The following C11orf65 variants were observed in gnomAD, a reference collection of about 807,000 sequenced individuals.
C11orf65 encodes protein MFI.
C11orf65 carries 38 observed loss-of-function variants against 35.3 expected under a neutral mutation model. The observed-to-expected ratio is 1.08, with a 90% CI of 0.83 to 1.41. The LOEUF is 1.41. Among genes scored for constraint, C11orf65 ranks in the 40% most tolerant of loss-of-function variants. The pLI is 0.00. For missense variants in C11orf65, 370 were observed against 367.1 expected, an observed-to-expected ratio of 1.01 and a Z score of -0.06; for synonymous variants, 105 against 114.4, an observed-to-expected ratio of 0.92 and a Z score of 0.53.
chr11:108,381,318 T>C (rs2091861224), downstream of C11orf65, among the ~76,000 whole-genome samples: 1 of 152,200 alleles, frequency 6.6e-6, no homozygotes, highest in East Asian at 1.9e-4. Flanking sequence ...AGCCACTGGA[T>C]GCATGTATCC....
chr11:108,329,543 A>C (rs2136434031), downstream of C11orf65, among the ~76,000 whole-genome samples: 1 of 152,086 alleles, frequency 6.6e-6, no homozygotes, highest in South Asian at 2.1e-4. Flanking sequence ...CCCCCGAAAT[A>C]GCTGGGGCTA....
In C11orf65 at chr11:108,438,389, T is replaced by C. The variant is rs556909979; in HGVS notation, c.82-6551A>G. ...CAACGTGGTGAAACCCTGTCTCCACTAAAAATACAAAAATTAGCTGGGCAT... is the reference window on the plus strand; with the variant it reads ...CAACGTGGTGAAACCCTGTCTCCACCAAAAATACAAAAATTAGCTGGGCAT... On this transcript the variant is annotated intron_variant, in intron 2 of 8. Coordinates refer to ENST00000393084, the MANE Select transcript of C11orf65 (RefSeq NM_152587.5). Among the ~76,000 whole-genome samples the C allele has an allele frequency of 3.5e-4, 53 of 151,340 alleles. No individual in the cohort carries two copies. In the East Asian group the frequency reaches 9.6e-3, roughly 28 times the overall value.
intron 1 of C11orf65, among the ~76,000 whole-genome samples, chr11:108,467,115 C>T (rs2093549957): frequency 6.6e-6 from 1 of 152,136 alleles, no homozygotes; most frequent in Admixed American, 6.5e-5. Flanking sequence ...GTGTACTTCC[C>T]GGTCAGCGGG....
chr11:108,345,534 T>TTCC (rs2088226112), intron 2 of C11orf65, among the ~76,000 whole-genome samples: 1 of 152,210 alleles, frequency 6.6e-6, no homozygotes, highest in African/African-American at 2.4e-5. Flanking sequence ...GTAGGTGTGC[T>TTCC]TCCTCCCCCA....
chr11:108,423,781 G>A (rs773934861), intron 3 of C11orf65, among the ~76,000 whole-genome samples: 11 of 152,152 alleles, frequency 7.2e-5, no homozygotes, highest in Non-Finnish European at 1.5e-4. Flanking sequence ...GTCTGGAGTG[G>A]AACTCCAGCA....
intron 5 of C11orf65, among the ~76,000 whole-genome samples, chr11:108,406,500 A>G (rs564411419): frequency 6.6e-6 from 1 of 152,300 alleles, no homozygotes; most frequent in Admixed American, 6.5e-5. Context: ...TGGGTATATA[A>G]TCTGCTGAGT....
intron 3 of C11orf65, among the ~76,000 whole-genome samples, chr11:108,410,097 G>A (rs1188658111): frequency 6.6e-6 from 1 of 152,108 alleles, no homozygotes; most frequent in Non-Finnish European, 1.5e-5. Context: ...AAGCCAAGGA[G>A]CATCTGTAAT....
intron 2 of C11orf65, among the ~76,000 whole-genome samples, chr11:108,376,705 A>G (rs1425175289): frequency 6.6e-6 from 1 of 152,212 alleles, no homozygotes; most frequent in Non-Finnish European, 1.5e-5. Flanking sequence ...GTTTTTTGAA[A>G]GGATCAACAA....
At chr11:108,380,104 A>G (rs558208543), downstream of C11orf65, among the ~76,000 whole-genome samples, 6 of 152,306 alleles carry the variant, frequency 3.9e-5, no homozygotes, top group East Asian at 3.9e-4. Context: ...GATACTGACT[A>G]TGGTATACCT....
intron 2 of C11orf65, among the ~76,000 whole-genome samples, chr11:108,373,639 G>T (rs923054803): frequency 2.0e-5 from 3 of 152,250 alleles, no homozygotes; most frequent in Non-Finnish European, 2.9e-5. Context: ...TGAGATACCG[G>T]GTTCATCTCA....
At position 108,326,232 on chromosome 11, in the gene C11orf65, T is replaced by G. The variant is rs754834282; in HGVS notation, c.641-17161A>C. 6.2e-7 allele frequency: 1 copy of G among 1,614,124 alleles called. No homozygotes were observed. ...GGATGCCAGCTGTGCAGCGGTTTGT[T>G]TTTTTTATTGGCTGGATTAGTGTTT... On this transcript the variant is annotated intron_variant, in intron 6 of 6. Transcript: ENST00000525729.
At chr11:108,348,999 C>T (rs1429954549) in intron 2 of C11orf65, among the ~76,000 whole-genome samples, 1 of 152,094 alleles carries the variant, frequency 6.6e-6, no homozygotes, top group Admixed American at 6.5e-5. Context: ...CCAGAATCTT[C>T]AGCAAATAGA....
chr11:108,443,739 A>G (rs1335519838), intron 2 of C11orf65, among the ~76,000 whole-genome samples: 3 of 152,198 alleles, frequency 2.0e-5, no homozygotes, highest in Non-Finnish European at 4.4e-5. Context: ...TAACAAAATG[A>G]AGGCAGAAAT....
chr11:108,344,102 C>T (rs1014711944), intron 2 of C11orf65, among the ~76,000 whole-genome samples: 2 of 152,096 alleles, frequency 1.3e-5, no homozygotes, highest in African/African-American at 2.4e-5. Context: ...AATCCAAAAT[C>T]CATTTATTGT....
At chr11:108,335,640 C>G (rs1033484669) in intron 2 of C11orf65, among the ~76,000 whole-genome samples, 1 of 151,898 alleles carries the variant, frequency 6.6e-6, no homozygotes. Flanking sequence ...ACAGAAGTAG[C>G]GAGGGGAAAC....
intron 3 of C11orf65, among the ~76,000 whole-genome samples, chr11:108,415,698 C>G (rs887748812): frequency 6.6e-6 from 1 of 152,088 alleles, no homozygotes; most frequent in African/African-American, 2.4e-5. Context: ...TGACACCACC[C>G]AACTTCAAGA....
chr11:108,424,958 G>T (rs1160329351), intron 3 of C11orf65, among the ~76,000 whole-genome samples: 1 of 152,140 alleles, frequency 6.6e-6, no homozygotes, highest in Non-Finnish European at 1.5e-5. Flanking sequence ...TGAAACCAAT[G>T]AGAACAAAGA....
intron 3 of C11orf65, among the ~76,000 whole-genome samples, chr11:108,414,659 A>G (rs2092706043): frequency 6.6e-6 from 1 of 152,092 alleles, no homozygotes; most frequent in Non-Finnish European, 1.5e-5. Context: ...TTATTTTACT[A>G]TTTACAGTCT....
At chr11:108,395,053 C>A (rs1199405646) in intron 6 of C11orf65, among the ~76,000 whole-genome samples, 1 of 151,962 alleles carries the variant, frequency 6.6e-6, no homozygotes, top group East Asian at 1.9e-4. Flanking sequence ...ATTGTTTGAG[C>A]CCAGAAGTTC....
Sources: allele counts gnomAD v4.1 joint callset (sites outside exome capture counted in the v4.1 genomes callset), GRCh38; gene constraint gnomAD v4.1.1; transcripts MANE v1.5; gene names NCBI Gene and HGNC (gene_info 2026-07-23, HGNC 2026-07-21).